Variants in SYT10 observed in about 807,000 individuals in gnomAD.
SYT10 encodes the protein synaptotagmin-10.
In SYT10, 31 loss-of-function variants were observed where a neutral mutation model predicts 51.1. The observed-to-expected ratio is 0.61, with a 90% CI of 0.46 to 0.82. The LOEUF (loss-of-function observed/expected upper bound fraction) is 0.82. Ranked by LOEUF, SYT10 falls within the 40% of genes least tolerant of loss-of-function variation. The pLI, the probability that SYT10 is intolerant of heterozygous loss-of-function variation, is 0.00. For synonymous variants in SYT10, 233 were observed against 225.9 expected (o/e 1.03, Z -0.28); for missense variants, 603 against 634.0 (o/e 0.95, Z 0.53).
At chr12:33,405,576 TACTG>T (rs531385608) in intron 3 of SYT10, 189 of 152,204 alleles carry the variant, frequency 1.2e-3, no homozygotes, top group African/African-American at 4.4e-3. Flanking sequence ...TTATCCCACA[TACTG>T]ATTGTAATTA....
chr12:33,418,871 C>A (rs1310688050), intron 2 of SYT10, among the ~76,000 whole-genome samples: 1 of 152,154 alleles, frequency 6.6e-6, no homozygotes, highest in African/African-American at 2.4e-5. Context: ...CAGGCAGAAT[C>A]ATCTTTTAAA....
intron 6 of SYT10, among the ~76,000 whole-genome samples, chr12:33,379,620 C>A (rs1452483412): frequency 7.1e-6 from 1 of 141,408 alleles, no homozygotes; most frequent in Admixed American, 7.1e-5. Context: ...GAATATGAAG[C>A]CCAGAAAATG....
chr12:33,428,747 A>T (rs548397179), intron 1 of SYT10, among the ~76,000 whole-genome samples: 27 of 152,202 alleles, frequency 1.8e-4, no homozygotes, highest in South Asian at 1.0e-3. Flanking sequence ...TCTACTAAAA[A>T]TACAAAAAAT....
At chr12:33,422,763 T>C (rs187283104) in intron 2 of SYT10, among the ~76,000 whole-genome samples, 1 of 152,066 alleles carries the variant, frequency 6.6e-6, no homozygotes, top group Non-Finnish European at 1.5e-5. Flanking sequence ...CTCTTCTCCA[T>C]GCCTTAGCTG....
chr12:33,428,562 C>G (rs556466858), intron 1 of SYT10, among the ~76,000 whole-genome samples: 4 of 152,132 alleles, frequency 2.6e-5, no homozygotes, highest in African/African-American at 9.7e-5. Flanking sequence ...TTAGTGAATT[C>G]TATGAGACCA....
chr12:33,410,853 T>C (rs1272657318), intron 2 of SYT10, among the ~76,000 whole-genome samples: 1 of 152,024 alleles, frequency 6.6e-6, no homozygotes, highest in East Asian at 1.9e-4. Flanking sequence ...AATACAGAAA[T>C]ATACACTAAA....
At chr12:33,386,495 T>G (rs1866157908) in intron 3 of SYT10, among the ~76,000 whole-genome samples, 1 of 152,032 alleles carries the variant, frequency 6.6e-6, no homozygotes, top group African/African-American at 2.4e-5. Context: ...GTGTGTTTTT[T>G]TTTCCCTTTG....
At chr12:33,415,183 G>T (rs1240267035) in intron 2 of SYT10, among the ~76,000 whole-genome samples, 1 of 152,132 alleles carries the variant, frequency 6.6e-6, no homozygotes, top group Non-Finnish European at 1.5e-5. Context: ...TAACTTGTTT[G>T]AACTTTATTT....
intron 3 of SYT10, among the ~76,000 whole-genome samples, chr12:33,394,052 T>C (rs1343245081): frequency 1.3e-5 from 2 of 152,154 alleles, no homozygotes; most frequent in East Asian, 3.9e-4. Flanking sequence ...TATAAGTAGA[T>C]TATACATTAG....
At chr12:33,385,090 A>T in intron 4 of SYT10, 81 bp downstream of exon 4, 2 of 1,529,876 alleles carry the variant, frequency 1.3e-6, no homozygotes, top group Non-Finnish European at 1.8e-6. Flanking sequence ...CAAATAATTC[A>T]GTAGTCATGT....
rs1466831458 is a variant in SYT10, at chr12:33,375,689, G to C, written c.*1141C>G. 2 of 152,124 alleles carry C rather than the reference G, an allele frequency of 1.3e-5. No individual in the cohort carries two copies. The highest frequency in any genetic ancestry group is 2.4e-5 in the African/African-American group (1 of 41,428). 9.4% of individuals were successfully genotyped at this position (152,124 alleles called of 1,614,324 possible). A position where few individuals can be genotyped will look rare whatever the true frequency, so the allele number is the denominator to read the frequency against. On this transcript the variant is annotated 3_prime_UTR_variant, in exon 7 of 7. Transcript: ENST00000228567. ...AGGCCTGGGCCTTTAGAATTAATTT[G>C]TTTATTATTATTAAGCATTGAAGTT...
intron 2 of SYT10, among the ~76,000 whole-genome samples, chr12:33,423,486 C>G (rs1383541452): frequency 1.2e-4 from 18 of 152,062 alleles, no homozygotes; most frequent in Non-Finnish European, 5.9e-5. Context: ...CAGCAATTTC[C>G]TCTTCCTCTC....
intron 2 of SYT10, among the ~76,000 whole-genome samples, chr12:33,412,828 G>C (rs1344973419): frequency 2.0e-5 from 3 of 152,176 alleles, no homozygotes; most frequent in Non-Finnish European, 4.4e-5. Context: ...AACAAAGCTG[G>C]ATGGAGAAAG....
intron 1 of SYT10, among the ~76,000 whole-genome samples, chr12:33,428,907 G>GA (rs142029382): frequency 0.19 from 17,816 of 95,214 alleles, 1,465 homozygotes; most frequent in African/African-American, 0.25. Context: ...CTCTGCTTCA[G>GA]AAAAAAAAAA....
chr12:33,397,903 G>A (rs1866270540), intron 3 of SYT10, among the ~76,000 whole-genome samples: 1 of 152,140 alleles, frequency 6.6e-6, no homozygotes, highest in Non-Finnish European at 1.5e-5. Flanking sequence ...TGTGGGCCTG[G>A]AAACCTATTG....
intron 3 of SYT10, among the ~76,000 whole-genome samples, chr12:33,388,424 A>C (rs1284445272): frequency 6.6e-6 from 1 of 152,186 alleles, no homozygotes; most frequent in Non-Finnish European, 1.5e-5. Context: ...TGAGTTTCTG[A>C]AAATTGCATG....
intron 3 of SYT10, chr12:33,404,863 T>C (rs925340680): frequency 6.6e-6 from 1 of 152,178 alleles, no homozygotes; most frequent in African/African-American, 2.4e-5. Flanking sequence ...AAAACTAATA[T>C]ACAAGGCATA....
intron 1 of SYT10, 48 bp from the exon 2 acceptor site, chr12:33,426,543 A>G (rs1250860913): frequency 1.4e-6 from 2 of 1,396,434 alleles, no homozygotes; most frequent in African/African-American, 1.5e-5. Context: ...TGTACATAAA[A>G]AAGCAGAAAT....
chr12:33,392,985 TAAA>T (rs71068378), intron 3 of SYT10, among the ~76,000 whole-genome samples: 986 of 59,072 alleles, frequency 0.017, 11 homozygotes, highest in South Asian at 0.04. Flanking sequence ...TTTTTGCCAT[TAAA>T]AAAAAAAAAA....
Sources: gnomAD v4.1 joint callset for allele counts (sites outside exome capture counted in the v4.1 genomes callset) on GRCh38, gnomAD v4.1.1 for gene constraint, MANE v1.5 for transcripts, NCBI Gene and HGNC (gene_info 2026-07-23, HGNC 2026-07-21) for gene names.